Variants in EIF4H observed in about 807,000 individuals in gnomAD.
EIF4H encodes eukaryotic translation initiation factor 4H, also known as Williams-Beuren syndrome chromosome region 1.
EIF4H carries 8 observed loss-of-function variants against 30.6 expected under a neutral mutation model. The ratio of observed to expected loss-of-function variants is 0.26; its 90% CI spans 0.15 to 0.47. EIF4H has a LOEUF of 0.47. EIF4H is among the 20% of genes least tolerant of loss of function. The pLI is 0.99. For missense variants in EIF4H, 188 were observed against 339.5 expected, an observed-to-expected ratio of 0.55 and a Z score of 3.51; for synonymous variants, 106 against 122.7, an observed-to-expected ratio of 0.86 and a Z score of 0.90.
intron 1 of EIF4H, among the ~76,000 whole-genome samples, chr7:74,185,273 A>G (rs1466507922): frequency 1.3e-5 from 2 of 152,234 alleles, no homozygotes; most frequent in African/African-American, 2.4e-5. Context: ...GATTACAGGC[A>G]TGAGCCACTG....
intron 1 of EIF4H, among the ~76,000 whole-genome samples, chr7:74,186,859 C>T (rs899449614): frequency 2.6e-5 from 3 of 114,494 alleles, no homozygotes; most frequent in East Asian, 2.9e-4. Context: ...GTCTCTGTCG[C>T]GTGAGCTGAA....
At chr7:74,185,442 A>C (rs1374914794) in intron 1 of EIF4H, among the ~76,000 whole-genome samples, 1 of 152,230 alleles carries the variant, frequency 6.6e-6, no homozygotes, top group Non-Finnish European at 1.5e-5. Context: ...CTAGGCCCGA[A>C]AAGATGGGAG....
intron 1 of EIF4H, among the ~76,000 whole-genome samples, chr7:74,178,403 G>A (rs572528001): frequency 1.3e-5 from 2 of 152,196 alleles, no homozygotes; most frequent in South Asian, 4.1e-4. Flanking sequence ...TACAAAACGG[G>A]TGTGGCGGCA....
At chr7:74,179,631 C>CCAA (rs1800913635) in intron 1 of EIF4H, among the ~76,000 whole-genome samples, 2 of 128,062 alleles carry the variant, frequency 1.6e-5, no homozygotes, top group Admixed American at 1.6e-4. Flanking sequence ...GACTCTGTAT[C>CCAA]AAAAAAAAAA....
At chr7:74,190,188 A>G (rs1554709706) in intron 4 of EIF4H, 59 bp from the exon 5 acceptor site, 3 of 1,543,746 alleles carry the variant, frequency 1.9e-6, no homozygotes, top group African/African-American at 1.4e-5. Flanking sequence ...GAATTTTTCC[A>G]TGTTTGCGCA....
intron 1 of EIF4H, among the ~76,000 whole-genome samples, chr7:74,178,506 T>G (rs1235604830): frequency 6.6e-6 from 1 of 150,602 alleles, no homozygotes; most frequent in African/African-American, 2.5e-5. Flanking sequence ...ATCATGCCAC[T>G]GCACTCCTCC....
intron 2 of EIF4H, among the ~76,000 whole-genome samples, chr7:74,188,103 T>C (rs782675445): frequency 1.3e-5 from 2 of 152,192 alleles, no homozygotes; most frequent in Non-Finnish European, 2.9e-5. Flanking sequence ...GAGAGAGGAA[T>C]AGAGCCGAGG....
chr7:74,179,519 C>G (rs1324104838), intron 1 of EIF4H, among the ~76,000 whole-genome samples: 1 of 151,738 alleles, frequency 6.6e-6, no homozygotes, highest in African/African-American at 2.4e-5. Flanking sequence ...GTAGTCCCAG[C>G]TACTTGGGAG....
chr7:74,193,696 T>G (rs1374860869), intron 5 of EIF4H, among the ~76,000 whole-genome samples: 1 of 151,624 alleles, frequency 6.6e-6, no homozygotes, highest in Admixed American at 6.6e-5. Context: ...CACTGCACCC[T>G]CTACCTTCCA....
At chr7:74,190,370 C>T in intron 5 of EIF4H, 64 bp downstream of exon 5, 1 of 1,524,218 alleles carries the variant, frequency 6.6e-7, no homozygotes, top group South Asian at 1.1e-5. Context: ...TTCTCTGTTT[C>T]TTACGAGTAG....
In EIF4H at chr7:74,190,275, TGGATG is replaced by T. The variant is rs782109326; in HGVS notation, c.443_447del (p.Trp148PhefsTer4). The stretch of plus-strand genomic sequence containing the variant: ...TGGGTAGCTCTCGAGAATCTAGAGG[TGGATG>T]GGATTCCCGGGATGACTTCAATTCT... On this transcript the variant is annotated frameshift_variant, in exon 5 of 7. Transcript: ENST00000265753. LOFTEE classifies it high-confidence loss of function. 1 of 1,614,216 alleles carries T rather than the reference TGGATG, an allele frequency of 6.2e-7. No individual in the cohort carries two copies. The highest frequency in any genetic ancestry group is 8.5e-7 in the Non-Finnish European group (1 of 1,180,020).
intron 4 of EIF4H, 102 bp downstream of exon 4, chr7:74,190,020 T>G: frequency 7.4e-7 from 1 of 1,347,512 alleles, no homozygotes; most frequent in Non-Finnish European, 1.0e-6. Flanking sequence ...CTCATAGGTG[T>G]GATAGGTTCT....
chr7:74,181,808 C>A (rs1800969070), intron 1 of EIF4H, among the ~76,000 whole-genome samples: 1 of 150,482 alleles, frequency 6.6e-6, no homozygotes, highest in South Asian at 2.1e-4. Flanking sequence ...GATCTCAGCT[C>A]ACTGCAGCCT....
chr7:74,184,758 G>C (rs556838219), intron 1 of EIF4H, among the ~76,000 whole-genome samples: 59 of 152,134 alleles, frequency 3.9e-4, no homozygotes, highest in African/African-American at 1.4e-3. Context: ...CCAGGCTGAA[G>C]CGCAGTGACA....
rs1801343700 is a variant in EIF4H at position 74,196,012 on chromosome 7, G to C, written c.*704G>C. 1 of 152,276 alleles carries C rather than the reference G, an allele frequency of 6.6e-6. No individual in the cohort carries two copies. The highest frequency in any genetic ancestry group is 2.1e-4 in the South Asian group (1 of 4,834). 9.4% of individuals were successfully genotyped at this position (152,276 alleles called of 1,614,324 possible). A position where few individuals can be genotyped will look rare whatever the true frequency, so the allele number is the denominator to read the frequency against. The stretch of plus-strand genomic sequence containing the variant: ...GAGGCTGAAAGGGGGGGCTATGGAA[G>C]AGCGGTAGGGAGTCCACGGAGAAGA... On this transcript the variant is annotated 3_prime_UTR_variant, in exon 7 of 7. Coordinates refer to ENST00000265753, the MANE Select transcript of EIF4H (RefSeq NM_022170.2).
intron 1 of EIF4H, among the ~76,000 whole-genome samples, chr7:74,185,591 A>G (rs1801063683): frequency 1.3e-5 from 2 of 152,126 alleles, no homozygotes; most frequent in African/African-American, 4.8e-5. Flanking sequence ...ACCATCAAAG[A>G]ATCATCACAG....
intron 1 of EIF4H, among the ~76,000 whole-genome samples, chr7:74,186,603 G>A (rs17146084): frequency 0.015 from 2,237 of 152,110 alleles, 44 homozygotes; most frequent in African/African-American, 0.05. Context: ...CAGAGTAAAC[G>A]ACGCTTGATA....
At chr7:74,189,578 G>A in intron 2 of EIF4H, 95 bp from the exon 3 acceptor site, 1 of 1,385,198 alleles carries the variant, frequency 7.2e-7, no homozygotes, top group Non-Finnish European at 1.0e-6. Flanking sequence ...CAACAGAATG[G>A]TAGTTGTGAC....
At chr7:74,193,751 C>T (rs2115997552) in intron 5 of EIF4H, among the ~76,000 whole-genome samples, 1 of 152,126 alleles carries the variant, frequency 6.6e-6, no homozygotes, top group Non-Finnish European at 1.5e-5. Context: ...TAGCTGGAAC[C>T]CCAGGCGTGC....
Sources: allele counts gnomAD v4.1 joint callset (sites outside exome capture counted in the v4.1 genomes callset), GRCh38; gene constraint gnomAD v4.1.1; transcripts MANE v1.5; gene names NCBI Gene and HGNC (gene_info 2026-07-23, HGNC 2026-07-21).